NFIX: variants seen among roughly 807,000 people sequenced by gnomAD.
The protein encoded by NFIX is nuclear factor 1 X-type.
A neutral mutation model predicts 53.3 loss-of-function variants in NFIX; 2 were observed. That is an observed-to-expected ratio of 0.04 (90% CI 0.02 to 0.12). NFIX has a LOEUF of 0.12. Ranked by LOEUF, NFIX falls within the 10% of genes least tolerant of loss-of-function variation. The pLI, the probability that NFIX is intolerant of heterozygous loss-of-function variation, is 1.00. For synonymous variants in NFIX, 244 were observed against 289.0 expected, an observed-to-expected ratio of 0.84 and a Z score of 1.58; for missense variants, 310 against 674.5, an observed-to-expected ratio of 0.46 and a Z score of 5.99.
At chr19:13,087,774 C>CA (rs1157966190) in intron 8 of NFIX, among the ~76,000 whole-genome samples, 8,065 of 26,400 alleles carry the variant, frequency 0.31, 1,432 homozygotes, top group East Asian at 0.46. Context: ...AAAAGAGGAC[C>CA]AAAAAAAAAA....
chr19:13,020,910 G>A (rs1380180056), intron 1 of NFIX, among the ~76,000 whole-genome samples: 2 of 152,084 alleles, frequency 1.3e-5, no homozygotes, highest in African/African-American at 2.4e-5. Flanking sequence ...TGTACCACCA[G>A]ATTCAGATTC....
chr19:13,023,378 G>A (rs1296751285), intron 1 of NFIX, among the ~76,000 whole-genome samples: 3 of 148,792 alleles, frequency 2.0e-5, no homozygotes, highest in African/African-American at 2.5e-5. Context: ...TGCCAGCAAC[G>A]GTCTGCAGCC....
At chr19:13,091,350 T>C (rs1902064625) in intron 10 of NFIX, among the ~76,000 whole-genome samples, 1 of 146,614 alleles carries the variant, frequency 6.8e-6, no homozygotes, top group Non-Finnish European at 1.5e-5. Context: ...ATGGAAGTTG[T>C]GTGTGTGGTT....
rs2015347818 is a variant in NFIX at position 13,051,869 on chromosome 19, CGGGAGCAGCCGGGCGGCTGCG to C, written c.560-21175_560-21155del. On this transcript the variant is annotated intron_variant, in intron 2 of 10. Transcript: ENST00000592199. This position sits in a 1 kb window ranked among gnomAD's most constrained non-coding sequence, Gnocchi z 5.1. ...TGCCTGGAGGGGGCGGGGCGGCTCC[CGGGAGCAGCCGGGCGGCTGCG>C]GGAAGGCACTTCTTAGGCGCCGCCT... Among the ~76,000 whole-genome samples the C allele has an allele frequency of 1.3e-5, 2 of 152,094 alleles. No homozygotes were observed. Among genetic ancestry groups the C allele is most frequent in the South Asian group, 4.2e-4 (2 of 4,758 alleles).
At chr19:13,071,818 C>T (rs530890014) in intron 2 of NFIX, among the ~76,000 whole-genome samples, 13 of 152,192 alleles carry the variant, frequency 8.5e-5, no homozygotes, top group Middle Eastern at 3.4e-3. Flanking sequence ...GGGTGCCACC[C>T]GGGTGGGCTG....
At chr19:13,023,930 CTCCT>C in intron 1 of NFIX, 2 of 643,648 alleles carry the variant, frequency 3.1e-6, no homozygotes, top group South Asian at 1.6e-5. Flanking sequence ...TCCTCCCCTG[CTCCT>C]CCTCCTCCCC....
chr19:13,039,245 C>T (rs890030924), intron 2 of NFIX, among the ~76,000 whole-genome samples: 5 of 148,590 alleles, frequency 3.4e-5, no homozygotes, highest in East Asian at 2.0e-4. Flanking sequence ...CACACATACA[C>T]GTGTGTGTGT....
At chr19:13,079,687 A>C (rs532745586) in intron 7 of NFIX, among the ~76,000 whole-genome samples, 80 of 152,268 alleles carry the variant, frequency 5.3e-4, no homozygotes, top group Admixed American at 3.2e-3. Context: ...TGGGGAGCCC[A>C]GGCCCTCTAC....
Position 13,073,344 on chromosome 19 carries a change from G to T in NFIX, c.623-78G>T. Reference sequence around the variant, plus strand: ...CGGGACTTGGGAGGGAGAAGCAACAGTGTGGAAGACCTTTGGAAATAGCCA... The same window carrying T: ...CGGGACTTGGGAGGGAGAAGCAACATTGTGGAAGACCTTTGGAAATAGCCA... On this transcript the variant is annotated intron_variant, in intron 3 of 10. Transcript: ENST00000592199. The surrounding 1 kb of genome is among the most constrained non-coding windows in gnomAD (Gnocchi z 4.5). The T allele has an allele frequency of 7.9e-7, 1 of 1,262,130 alleles. No homozygotes were observed. Among genetic ancestry groups the T allele is most frequent in the Middle Eastern group, 1.9e-4 (1 of 5,398 alleles). 78.2% of individuals were successfully genotyped at this position (1,262,130 alleles called of 1,614,324 possible).
rs907365506 is a variant in NFIX at position 13,009,577 on chromosome 19, C to A, written c.27+13713C>A. On this transcript the variant is annotated intron_variant, in intron 1 of 10. Transcript: ENST00000592199. The surrounding 1 kb of genome is among the most constrained non-coding windows in gnomAD (Gnocchi z 4.7). ...TTCCCATGGGAATTCCCTTCCTATTCCCCAGTTCTAAGAAGCCCAGAGCAA... is the reference window on the plus strand; with the variant it reads ...TTCCCATGGGAATTCCCTTCCTATTACCCAGTTCTAAGAAGCCCAGAGCAA... Among the ~76,000 whole-genome samples, 1 of 152,218 alleles carries A rather than the reference C, an allele frequency of 6.6e-6. No homozygotes were observed. The highest frequency in any genetic ancestry group is 1.5e-5 in the Non-Finnish European group (1 of 68,038).
At position 13,040,547 on chromosome 19, in the gene NFIX, A is replaced by G. The variant is rs981084212; in HGVS notation, c.559+14995A>G. On this transcript the variant is annotated intron_variant, in intron 2 of 10. Transcript: ENST00000592199. This position sits in a 1 kb window ranked among gnomAD's most constrained non-coding sequence, Gnocchi z 4.2. ...TTTCCTCGCCTCCCTCCCTCTCCTCAGGAGCCCTGGCCTCCAGGCTCCTTG... is the reference window on the plus strand; with the variant it reads ...TTTCCTCGCCTCCCTCCCTCTCCTCGGGAGCCCTGGCCTCCAGGCTCCTTG... Among the ~76,000 whole-genome samples the G allele has an allele frequency of 6.6e-6, 1 of 152,008 alleles. No homozygotes were observed. The highest frequency in any genetic ancestry group is 2.4e-5 in the African/African-American group (1 of 41,380).
At chr19:13,016,638 G>A (rs2012683837) in intron 1 of NFIX, among the ~76,000 whole-genome samples, 1 of 148,432 alleles carries the variant, frequency 6.7e-6, no homozygotes, top group Non-Finnish European at 1.5e-5. Flanking sequence ...TGTTCAAATT[G>A]GGTTGTTGGG....
intron 8 of NFIX, among the ~76,000 whole-genome samples, chr19:13,084,177 C>T (rs1388352300): frequency 6.6e-6 from 1 of 152,120 alleles, no homozygotes; most frequent in African/African-American, 2.4e-5. Flanking sequence ...CGTGGTGGCT[C>T]ACACCTGTAA....
chr19:13,073,172 C>A lies in NFIX; in HGVS notation c.622+63C>A. On this transcript the variant is annotated intron_variant, in intron 3 of 10. Coordinates refer to ENST00000592199, the MANE Select transcript of NFIX (RefSeq NM_001365902.3). The surrounding 1 kb of genome is among the most constrained non-coding windows in gnomAD (Gnocchi z 4.5). ...CATGCCCCTCCACTTCCTTCCCCCACCCTGGCTGCCCTGGCCACCCTCACT... is the reference window on the plus strand; with the variant it reads ...CATGCCCCTCCACTTCCTTCCCCCAACCTGGCTGCCCTGGCCACCCTCACT... 1 of 1,442,712 alleles carries A rather than the reference C, an allele frequency of 6.9e-7. No individual in the cohort carries two copies. The highest frequency in any genetic ancestry group is 1.1e-5 in the South Asian group (1 of 87,628). 89.4% of individuals were successfully genotyped at this position (1,442,712 alleles called of 1,614,324 possible).
At chr19:13,083,955 G>T (rs1187688224) in intron 8 of NFIX, among the ~76,000 whole-genome samples, 4 of 152,260 alleles carry the variant, frequency 2.6e-5, no homozygotes, top group African/African-American at 4.8e-5. Context: ...GACTTGGCAT[G>T]CGCGAGAGTC....
rs891985058 is a variant in NFIX at position 13,022,729 on chromosome 19, G to A, written c.28-2292G>A. The stretch of plus-strand genomic sequence containing the variant: ...TTCTGGGGCTCCCGCCCGCCAGCCC[G>A]CCGGGAGTCAGGCCTTTATTTATTT... On this transcript the variant is annotated intron_variant, in intron 1 of 10. Transcript: ENST00000592199. This position sits in a 1 kb window ranked among gnomAD's most constrained non-coding sequence, Gnocchi z 4.5. Among the ~76,000 whole-genome samples the A allele has an allele frequency of 1.3e-5, 2 of 152,078 alleles. No individual in the cohort carries two copies. Among genetic ancestry groups the A allele is most frequent in the South Asian group, 2.1e-4 (1 of 4,828 alleles).
chr19:13,005,254 AAAAT>A lies in NFIX; in HGVS notation c.27+9395_27+9398del, dbSNP rs1405579181. ...TGGTAGAAGAAGATAGGATAATAGC[AAAAT>A]AAATGTTTGTCCTAAAAATCGTAGC... On this transcript the variant is annotated intron_variant, in intron 1 of 10. Transcript: ENST00000592199. The surrounding 1 kb of genome is among the most constrained non-coding windows in gnomAD (Gnocchi z 4.7). Among the ~76,000 whole-genome samples the A allele has an allele frequency of 6.6e-6, 1 of 152,248 alleles. No homozygotes were observed. The highest frequency in any genetic ancestry group is 1.5e-5 in the Non-Finnish European group (1 of 68,048).
chr19:13,025,607 G>A lies in NFIX; in HGVS notation c.559+55G>A. 2 of 1,570,576 alleles carry A rather than the reference G, an allele frequency of 1.3e-6. No individual in the cohort carries two copies. The highest frequency in any genetic ancestry group is 1.2e-5 in the South Asian group (1 of 86,844). On this transcript the variant is annotated intron_variant, in intron 2 of 10. Coordinates refer to ENST00000592199, the MANE Select transcript of NFIX (RefSeq NM_001365902.3). The surrounding 1 kb of genome is among the most constrained non-coding windows in gnomAD (Gnocchi z 7.5). ...CATTTTATTTTCCTTGCTGGCATTT[G>A]TTCTGTTTATTGTTCCTCTAATTTC... is the stretch of plus-strand genomic sequence containing the variant.
rs747182450 is a variant in NFIX at position 13,001,872 on chromosome 19, G to A, written c.27+6008G>A. Reference sequence around the variant, plus strand: ...TCCCTTCCCATGAGGTTGAGCGGCCGCAGTGGCCTTGCTGGGGGCCCCGCC... The same window carrying A: ...TCCCTTCCCATGAGGTTGAGCGGCCACAGTGGCCTTGCTGGGGGCCCCGCC... On this transcript the variant is annotated intron_variant, in intron 1 of 10. Transcript: ENST00000592199. The surrounding 1 kb of genome is among the most constrained non-coding windows in gnomAD (Gnocchi z 6.5). Among the ~76,000 whole-genome samples the A allele has an allele frequency of 6.2e-4, 94 of 152,232 alleles. No individual in the cohort carries two copies. Among genetic ancestry groups the A allele is most frequent in the Non-Finnish European group, 1.2e-3 (80 of 68,026 alleles).
Sources: allele counts gnomAD v4.1 joint callset (sites outside exome capture counted in the v4.1 genomes callset), GRCh38; gene constraint gnomAD v4.1.1; non-coding constraint Gnocchi (gnomAD v3.1); transcripts MANE v1.5; gene names NCBI Gene and HGNC (gene_info 2026-07-23, HGNC 2026-07-21).